Variants in HPR observed in about 807,000 individuals in gnomAD.
HPR encodes Haptoglobin-related locus.
Under a neutral mutation model 18.5 loss-of-function variants are expected in HPR, and 17 were observed. The observed-to-expected ratio is 0.92, with a 90% CI of 0.63 to 1.38. The LOEUF (loss-of-function observed/expected upper bound fraction) is 1.38. Among genes scored for constraint, HPR ranks in the 40% most tolerant of loss-of-function variants. The probability of loss-of-function intolerance (pLI) is 0.00; values close to 1 mark genes in which losing one functional copy is unlikely to be tolerated. For missense variants in HPR, 457 were observed against 432.4 expected, an observed-to-expected ratio of 1.06 and a Z score of -0.51; for synonymous variants, 176 against 165.0, an observed-to-expected ratio of 1.07 and a Z score of -0.51.
At chr16:72,074,152 T>A (rs1422471942) in intron 2 of HPR, 132 bp from the exon 3 acceptor site, 1 of 1,252,414 alleles carries the variant, frequency 8.0e-7, no homozygotes, top group Non-Finnish European at 1.2e-6. Context: ...GAGGGGAGCT[T>A]GAGCTTTCGT....
intron 3 of HPR, 135 bp downstream of exon 3, chr16:72,074,520 C>T (rs1051212593): frequency 2.2e-5 from 19 of 845,466 alleles, no homozygotes; most frequent in Non-Finnish European, 3.0e-5. Context: ...TTCTGATAAG[C>T]GTTTTGTCGC....
At chr16:72,067,184 G>C (rs530641642) in intron 1 of HPR, among the ~76,000 whole-genome samples, 2 of 152,284 alleles carry the variant, frequency 1.3e-5, no homozygotes, top group African/African-American at 4.8e-5. Flanking sequence ...CAGGGGCTCT[G>C]TCTATATTAT....
In HPR at chr16:72,065,007, G is replaced by A. The variant is rs574521053; in HGVS notation, c.5+1747G>A. 9.9e-5 allele frequency among the ~76,000 whole-genome samples: 15 copies of A among 152,284 alleles called. No homozygotes were observed. The Middle Eastern group carries it at 0.01, about 104-fold the overall frequency. ...TGCGCAGACCAAGGTAAGAAATGTC[G>A]CAGGAGTGACAAAGTACTTCCTTGG... is the stretch of plus-strand genomic sequence containing the variant. On this transcript the variant is annotated intron_variant, in intron 1 of 4. Transcript: ENST00000540303.
chr16:72,069,037 G>A (rs1003120903), intron 1 of HPR, among the ~76,000 whole-genome samples: 9 of 152,120 alleles, frequency 5.9e-5, no homozygotes, highest in Non-Finnish European at 8.8e-5. Context: ...TCCAGTAATC[G>A]ATGGAGAAAT....
chr16:72,067,105 G>A (rs992737001), intron 1 of HPR, among the ~76,000 whole-genome samples: 4 of 152,152 alleles, frequency 2.6e-5, no homozygotes, highest in Non-Finnish European at 5.9e-5. Flanking sequence ...CTTCAAAAGA[G>A]AATGTCCCAA....
intron 1 of HPR, among the ~76,000 whole-genome samples, chr16:72,068,023 A>T (rs998218648): frequency 2.0e-5 from 3 of 152,190 alleles, no homozygotes; most frequent in Non-Finnish European, 2.9e-5. Flanking sequence ...AAACAATGGT[A>T]TCAATGGACA....
Position 72,076,789 on chromosome 16 carries a change from T to A in HPR, c.755T>A (p.Ile252Lys). The change falls in exon 5 of 5, where the codon ATA becomes AAA. Residue 252 changes from isoleucine to lysine, a missense_variant. Ile to Lys is a moderately radical substitution (Grantham distance 102). Transcript: ENST00000540303. The part of the protein sequence containing the change: ...MLPVADQYDC[I>K]THYEGSTCPK... Reference sequence around the variant, plus strand: ...CCTGTGGCTGACCAATACGATTGCATAACGCATTATGAAGGCAGCACATGC... The same window carrying A: ...CCTGTGGCTGACCAATACGATTGCAAAACGCATTATGAAGGCAGCACATGC... 6.2e-7 allele frequency: 1 copy of A among 1,614,212 alleles called. No homozygotes were observed. The highest frequency in any genetic ancestry group is 2.2e-5 in the East Asian group (1 of 44,892).
At chr16:72,073,468 T>G (rs1428920937) in intron 1 of HPR, among the ~76,000 whole-genome samples, 1 of 152,160 alleles carries the variant, frequency 6.6e-6, no homozygotes, top group Admixed American at 6.5e-5. Flanking sequence ...TTGAGTTATC[T>G]ACATTTTATT....
intron 1 of HPR, among the ~76,000 whole-genome samples, chr16:72,071,549 C>T (rs192204257): frequency 6.6e-6 from 1 of 152,268 alleles, no homozygotes; most frequent in East Asian, 1.9e-4. Context: ...GCTTCCGTTT[C>T]CCAATGCCAA....
At position 72,063,356 on chromosome 16, in the gene HPR, CAG is replaced by C. The variant is rs2041562640; in HGVS notation, c.5+97_5+98del. 8 of 1,274,716 alleles carry C rather than the reference CAG, an allele frequency of 6.3e-6. 1 individual carries two copies. 79.0% of individuals were successfully genotyped at this position (1,274,716 alleles called of 1,614,324 possible). A position where few individuals can be genotyped will look rare whatever the true frequency, so the allele number is the denominator to read the frequency against. On this transcript the variant is annotated intron_variant, in intron 1 of 4. Transcript: ENST00000540303. Reference sequence around the variant, plus strand: ...CAGATGCAGAAATAGAACAAAGAAACAGGGCAAATGGGCTAAATTATAGTGAA... The same window carrying C: ...CAGATGCAGAAATAGAACAAAGAAACGGCAAATGGGCTAAATTATAGTGAA...
At chr16:72,068,401 G>C (rs2041619886) in intron 1 of HPR, among the ~76,000 whole-genome samples, 1 of 152,166 alleles carries the variant, frequency 6.6e-6, no homozygotes, top group African/African-American at 2.4e-5. Flanking sequence ...GTTGGATACT[G>C]CCGCTTAAGG....
intron 1 of HPR, among the ~76,000 whole-genome samples, chr16:72,071,345 T>C (rs1170997626): frequency 6.6e-6 from 1 of 152,236 alleles, no homozygotes; most frequent in East Asian, 1.9e-4. Flanking sequence ...ATGAATGTTA[T>C]GCTTGTGCTC....
intron 1 of HPR, among the ~76,000 whole-genome samples, chr16:72,069,157 GAACC>G (rs1333018092): frequency 2.0e-4 from 31 of 152,290 alleles, no homozygotes; most frequent in African/African-American, 7.2e-4. Context: ...AACCAGGAAG[GAACC>G]ATCTATACTG....
At chr16:72,074,820 G>A in intron 3 of HPR, 2 of 647,730 alleles carry the variant, frequency 3.1e-6, no homozygotes, top group African/African-American at 1.8e-5. Flanking sequence ...GGAAACAGAG[G>A]CACCGACAGG....
rs368717122 is a variant in HPR at position 72,076,860 on chromosome 16, C to T, written c.826C>T (p.Leu276=). ...PKSPVGVQPI[L]NEHTFCVGMS... is the part of the protein sequence containing the mutation. ...GAGCCCTGTAGGGGTGCAGCCCATA[C>T]TGAACGAACACACCTTCTGTGTCGG... Residue 276 remains leucine (L), a synonymous_variant, in exon 5 of 5, where the codon CTG becomes TTG. Transcript: ENST00000540303. The T allele has an allele frequency of 3.7e-6, 6 of 1,614,134 alleles. No homozygotes were observed. In the South Asian group the frequency reaches 6.6e-5, roughly 18 times the overall value.
At chr16:72,072,601 G>A (rs2041669188) in intron 1 of HPR, among the ~76,000 whole-genome samples, 1 of 152,080 alleles carries the variant, frequency 6.6e-6, no homozygotes, top group African/African-American at 2.4e-5. Flanking sequence ...TTTGGCAAAT[G>A]GAAGGGATTT....
Position 72,074,349 on chromosome 16 carries a change from T to C in HPR, c.157T>C (p.Cys53Arg), listed in dbSNP as rs771229192. 5.6e-6 allele frequency: 9 copies of C among 1,613,892 alleles called. No homozygotes were observed. The highest frequency in any genetic ancestry group is 5.5e-5 in the South Asian group (5 of 91,076). The change falls in exon 3 of 5, where the codon TGT becomes CGT. Residue 53 changes from cysteine to arginine, a missense_variant. Coordinates refer to ENST00000540303, the MANE Select transcript of HPR (RefSeq NM_020995.4). ...TGTGGAGCACTTGTTTCGCTACCAG[T>C]GTAAGAACTACTACAGACTGCGCAC... ...GYVEHLFRYQ[C>R]KNYYRLRTEG...
intron 4 of HPR, among the ~76,000 whole-genome samples, chr16:72,075,945 G>T (rs1303094929): frequency 6.6e-6 from 1 of 151,798 alleles, no homozygotes; most frequent in Non-Finnish European, 1.5e-5. Context: ...AAAGTGCTGG[G>T]ATTACAGGCG....
intron 3 of HPR, chr16:72,074,735 C>G: frequency 1.4e-6 from 1 of 702,138 alleles, no homozygotes; most frequent in Non-Finnish European, 2.6e-6. Flanking sequence ...GCTCTAAGGG[C>G]TTTATATTTA....
Sources: allele counts gnomAD v4.1 joint callset (sites outside exome capture counted in the v4.1 genomes callset), GRCh38; gene constraint gnomAD v4.1.1; transcripts MANE v1.5; gene names NCBI Gene and HGNC (gene_info 2026-07-23, HGNC 2026-07-21).